GIGYF2: variants seen among roughly 807,000 people sequenced by gnomAD.
GIGYF2 encodes GRB10-interacting GYF protein 2.
In GIGYF2, 25 loss-of-function variants were observed where a neutral mutation model predicts 208.1. The observed-to-expected ratio is 0.12, with a 90% CI of 0.09 to 0.17. The LOEUF is 0.17. Ranked by LOEUF, GIGYF2 falls within the 10% of genes least tolerant of loss-of-function variation. GIGYF2 has a pLI of 1.00. For synonymous variants in GIGYF2, 534 were observed against 543.8 expected (o/e 0.98, Z 0.25); for missense variants, 1,302 against 1,579.4 (o/e 0.82, Z 2.98).
intron 3 of GIGYF2, among the ~76,000 whole-genome samples, chr2:232,741,458 T>G (rs1410056192): frequency 6.6e-6 from 1 of 151,894 alleles, no homozygotes; most frequent in Non-Finnish European, 1.5e-5. Context: ...TTTTTTTTTG[T>G]TTGAAATGGA....
intron 14 of GIGYF2, among the ~76,000 whole-genome samples, chr2:232,799,164 C>T (rs1008039431): frequency 6.6e-6 from 1 of 151,766 alleles, no homozygotes. Flanking sequence ...AATAATATTC[C>T]CCTGTAGGTG....
intron 5 of GIGYF2, among the ~76,000 whole-genome samples, chr2:232,750,807 A>G (rs529130066): frequency 6.6e-5 from 10 of 150,678 alleles, no homozygotes; most frequent in South Asian, 2.1e-4. Context: ...TAGATTTTCT[A>G]TTTTGAGCTA....
chr2:232,784,629 A>G (rs553120796), intron 8 of GIGYF2, among the ~76,000 whole-genome samples: 134 of 151,948 alleles, frequency 8.8e-4, no homozygotes, highest in Non-Finnish European at 1.4e-3. Context: ...TGCCCGCCTT[A>G]GCCTCCCAAA....
intron 2 of GIGYF2, among the ~76,000 whole-genome samples, chr2:232,724,207 A>ATTTTTTTT (rs1163865821): frequency 2.9e-4 from 33 of 114,198 alleles, no homozygotes; most frequent in East Asian, 5.5e-4. Context: ...ACACCTGGCT[A>ATTTTTTTT]TTTTTTTTTT....
chr2:232,711,708 T>TATATATATATATATATATATATAA (rs1696416563), intron 2 of GIGYF2, among the ~76,000 whole-genome samples: 1 of 140,160 alleles, frequency 7.1e-6, no homozygotes, highest in Non-Finnish European at 1.5e-5. Flanking sequence ...CAATGATGTA[T>TATATATATATATATATATATATAA]ATATATATAT....
Position 232,781,825 on chromosome 2 carries a change from A to G in GIGYF2, c.533-5325A>G, listed in dbSNP as rs554400380. ...GAATCACTTAGTGTAGAAATAAACC[A>G]TGGGTTAGGAGTTTGAACACTGCCT... is the stretch of plus-strand genomic sequence containing the variant. On this transcript the variant is annotated intron_variant, in intron 8 of 28. Coordinates refer to ENST00000373563, the MANE Select transcript of GIGYF2 (RefSeq NM_001103146.3). Among the ~76,000 whole-genome samples, 92 of 152,326 alleles carry G rather than the reference A, an allele frequency of 6.0e-4. 2 individuals carry two copies. The South Asian group carries it at 0.018, about 30-fold the overall frequency.
chr2:232,798,396 A>G (rs956187556), intron 14 of GIGYF2, among the ~76,000 whole-genome samples: 3 of 152,210 alleles, frequency 2.0e-5, no homozygotes, highest in African/African-American at 4.8e-5. Flanking sequence ...TTGAGGGAAC[A>G]TAAGTGTTCA....
Position 232,747,892 on chromosome 2 carries a change from A to G in GIGYF2, c.171+148A>G, listed in dbSNP as rs1049050387. The G allele has an allele frequency of 3.7e-5, 28 of 756,122 alleles. 1 individual carries two copies. Among genetic ancestry groups the G allele is most frequent in the East Asian group, 3.0e-4 (11 of 36,716 alleles). 46.8% of individuals were successfully genotyped at this position (756,122 alleles called of 1,614,324 possible). A position where few individuals can be genotyped will look rare whatever the true frequency, so the allele number is the denominator to read the frequency against. ...CTGTTTCCCTGCTTTGAAGCCTGCAATAGTTAACAGAGGATCTTCTAAGTG... is the reference window on the plus strand; with the variant it reads ...CTGTTTCCCTGCTTTGAAGCCTGCAGTAGTTAACAGAGGATCTTCTAAGTG... On this transcript the variant is annotated intron_variant, in intron 4 of 28. Transcript: ENST00000373563.
At chr2:232,699,361 C>T (rs1414212722) in intron 1 of GIGYF2, among the ~76,000 whole-genome samples, 1 of 152,150 alleles carries the variant, frequency 6.6e-6, no homozygotes, top group Non-Finnish European at 1.5e-5. Flanking sequence ...GATGTGTGTA[C>T]TTACTGTTTG....
At chr2:232,733,516 T>G (rs1697598921) in intron 2 of GIGYF2, among the ~76,000 whole-genome samples, 1 of 152,164 alleles carries the variant, frequency 6.6e-6, no homozygotes, top group Admixed American at 6.6e-5. Flanking sequence ...TAGTTTATTA[T>G]TTTTTAGATC....
intron 1 of GIGYF2, among the ~76,000 whole-genome samples, chr2:232,701,037 A>G (rs761384749): frequency 1.3e-5 from 2 of 152,150 alleles, no homozygotes; most frequent in Non-Finnish European, 2.9e-5. Flanking sequence ...TGAGAAATAT[A>G]CTAAATTAAT....
chr2:232,808,701 T>G (rs1700633244), intron 15 of GIGYF2, among the ~76,000 whole-genome samples: 1 of 152,190 alleles, frequency 6.6e-6, no homozygotes, highest in South Asian at 2.1e-4. Flanking sequence ...ACCTATTTAG[T>G]CTGTCATACT....
At chr2:232,771,339 A>G in intron 8 of GIGYF2, 1 of 1,613,064 alleles carries the variant, frequency 6.2e-7, no homozygotes, top group South Asian at 1.1e-5. Flanking sequence ...GAGGAGCAAT[A>G]ACTTTGCAAT....
intron 5 of GIGYF2, 95 bp downstream of exon 5, chr2:232,749,177 T>G: frequency 1.3e-6 from 1 of 773,648 alleles, no homozygotes; most frequent in East Asian, 2.5e-5. Context: ...AGGATTATCC[T>G]GCATCCTCAT....
At chr2:232,824,723 A>G (rs1378245703) in intron 21 of GIGYF2, among the ~76,000 whole-genome samples, 1 of 152,252 alleles carries the variant, frequency 6.6e-6, no homozygotes, top group Admixed American at 6.5e-5. Context: ...AGGTGGTTGC[A>G]CTAAACAACA....
intron 8 of GIGYF2, among the ~76,000 whole-genome samples, chr2:232,786,044 G>A (rs910921018): frequency 8.5e-5 from 13 of 152,158 alleles, no homozygotes; most frequent in East Asian, 3.9e-4. Flanking sequence ...TGAAGAATTT[G>A]TTTGCACAAT....
chr2:232,714,479 ATTTAC>A (rs1559377636), intron 2 of GIGYF2, among the ~76,000 whole-genome samples: 1 of 152,088 alleles, frequency 6.6e-6, no homozygotes, highest in Non-Finnish European at 1.5e-5. Flanking sequence ...GGTGCAGTCT[ATTTAC>A]TTTTAGTAAG....
At position 232,836,284 on chromosome 2, in the gene GIGYF2, AT is replaced by A. The variant is rs1559160273; in HGVS notation, c.2766+3192del. ...TCTACATATATATATATATATATAT[AT>A]ATATATATATATATATATATATATA... On this transcript the variant is annotated intron_variant, in intron 22 of 28. Coordinates refer to ENST00000373563, the MANE Select transcript of GIGYF2 (RefSeq NM_001103146.3). 1.2e-3 allele frequency among the ~76,000 whole-genome samples: 7 copies of A among 6,062 alleles called. 1 individual carries two copies. Among genetic ancestry groups the A allele is most frequent in the African/African-American group, 2.7e-3 (4 of 1,478 alleles). The allele number at this position is 6,062 out of a possible 152,430, so 4.0% of individuals were successfully genotyped here. A position where few individuals can be genotyped will look rare whatever the true frequency, so the allele number is the denominator to read the frequency against.
chr2:232,742,454 C>T (rs185792340), intron 3 of GIGYF2, among the ~76,000 whole-genome samples: 372 of 152,190 alleles, frequency 2.4e-3, no homozygotes, highest in African/African-American at 8.1e-3. Context: ...GGCAGGAGAA[C>T]TGCTTAAACC....
Sources: gnomAD v4.1 joint callset for allele counts (sites outside exome capture counted in the v4.1 genomes callset) on GRCh38, gnomAD v4.1.1 for gene constraint, MANE v1.5 for transcripts, NCBI Gene and HGNC (gene_info 2026-07-23, HGNC 2026-07-21) for gene names.